The following CCDC30 variants were observed in gnomAD, a reference collection of about 807,000 sequenced individuals.
CCDC30 encodes coiled-coil domain containing 30.
CCDC30 carries 70 observed loss-of-function variants against 100.2 expected under a neutral mutation model. That is an observed-to-expected ratio of 0.70 (90% CI 0.58 to 0.85). The LOEUF (loss-of-function observed/expected upper bound fraction) is 0.85. Ranked by LOEUF, CCDC30 falls within the 40% of genes least tolerant of loss-of-function variation. CCDC30 has a pLI of 0.00. For synonymous variants in CCDC30, 233 were observed against 269.5 expected (o/e 0.86, Z 1.33); for missense variants, 652 against 771.2 (o/e 0.85, Z 1.83).
chr1:42,592,295 G>A (rs1345748127), intron 10 of CCDC30: 3 of 152,196 alleles, frequency 2.0e-5, no homozygotes, highest in African/African-American at 4.8e-5. Context: ...TGTAATCCCC[G>A]TTGTTGGAGG....
intron 15 of CCDC30, among the ~76,000 whole-genome samples, chr1:42,651,220 A>G (rs1648319419): frequency 6.6e-6 from 1 of 152,196 alleles, no homozygotes; most frequent in African/African-American, 2.4e-5. Context: ...AAACAAACAT[A>G]TACAAATGGG....
intron 7 of CCDC30, among the ~76,000 whole-genome samples, chr1:42,575,198 C>T (rs1486808657): frequency 2.6e-5 from 4 of 152,182 alleles, no homozygotes; most frequent in Admixed American, 1.3e-4. Context: ...TAAATTCTCT[C>T]TCACCACTTT....
chr1:42,628,634 C>A (rs999012490), intron 11 of CCDC30, among the ~76,000 whole-genome samples: 4 of 152,118 alleles, frequency 2.6e-5, no homozygotes, highest in African/African-American at 9.7e-5. Context: ...GTGACTAAGT[C>A]TCATGAGATC....
At chr1:42,616,658 G>A (rs189079218) in intron 11 of CCDC30, among the ~76,000 whole-genome samples, 2 of 152,184 alleles carry the variant, frequency 1.3e-5, no homozygotes, top group African/African-American at 4.8e-5. Context: ...CATAAATATT[G>A]TGTCACCTCA....
chr1:42,456,952 T>G, the CCDC30 span: 15 of 1,605,232 alleles, frequency 9.3e-6, no homozygotes, highest in Admixed American at 2.5e-4. Context: ...CGGGTTTTGC[T>G]GAGGCTCTGA....
rs1644988575 is a variant in CCDC30 at position 42,540,384 on chromosome 1, T to C, written c.457-25912T>C. Among the ~76,000 whole-genome samples, 3 of 152,094 alleles carry C rather than the reference T, an allele frequency of 2.0e-5. No individual in the cohort carries two copies. In the South Asian group the frequency reaches 6.2e-4, roughly 32 times the overall value. On this transcript the variant is annotated intron_variant, in intron 6 of 16. Transcript: ENST00000668663. Reference sequence around the variant, plus strand: ...AGCAAGGTAAGTTATCATCACGTTGTACAGTTAAAGGGCCAGGCCTTTTAA... The same window carrying C: ...AGCAAGGTAAGTTATCATCACGTTGCACAGTTAAAGGGCCAGGCCTTTTAA...
At chr1:42,531,736 G>C (rs1225691060) in intron 6 of CCDC30, among the ~76,000 whole-genome samples, 2 of 152,078 alleles carry the variant, frequency 1.3e-5, no homozygotes, top group African/African-American at 4.8e-5. Context: ...ACTTCAGCCT[G>C]AATGATAGTG....
chr1:42,477,538 G>C (rs1299435696), intron 1 of CCDC30, among the ~76,000 whole-genome samples: 1 of 152,134 alleles, frequency 6.6e-6, no homozygotes, highest in Non-Finnish European at 1.5e-5. Context: ...ATTAGCTCAT[G>C]ATGATTGATA....
chr1:42,633,883 G>A (rs895645253), intron 11 of CCDC30, among the ~76,000 whole-genome samples: 6 of 152,130 alleles, frequency 3.9e-5, no homozygotes, highest in Non-Finnish European at 8.8e-5. Context: ...GGCTGAGAAG[G>A]CCACAGGAAA....
intron 6 of CCDC30, among the ~76,000 whole-genome samples, chr1:42,519,365 T>A (rs1445663505): frequency 6.6e-6 from 1 of 152,196 alleles, no homozygotes; most frequent in Non-Finnish European, 1.5e-5. Context: ...GGATATTAGT[T>A]CTTTTTTAAA....
chr1:42,623,692 C>T (rs1646881948), intron 11 of CCDC30, among the ~76,000 whole-genome samples: 1 of 152,066 alleles, frequency 6.6e-6, no homozygotes, highest in South Asian at 2.1e-4. Flanking sequence ...GTTCTTTATG[C>T]TTAGGATGTC....
At chr1:42,575,680 A>G (rs1645822749) in intron 7 of CCDC30, among the ~76,000 whole-genome samples, 1 of 150,370 alleles carries the variant, frequency 6.7e-6, no homozygotes, top group Non-Finnish European at 1.5e-5. Flanking sequence ...ACAAAAAAAC[A>G]TAGTCTCTGC....
rs550882330 is a variant in CCDC30 at position 42,505,323 on chromosome 1, T to G, written c.456+6407T>G. On this transcript the variant is annotated intron_variant, in intron 6 of 16. Transcript: ENST00000668663. ...TATTTGCAGGATAATTGATCCAGAT[T>G]TTTACATTACCCATACATTTTTCTT... Among the ~76,000 whole-genome samples, 42 of 152,276 alleles carry G rather than the reference T, an allele frequency of 2.8e-4. No individual in the cohort carries two copies. The East Asian group carries it at 7.7e-3, about 28-fold the overall frequency.
chr1:42,476,443 C>A (rs1376011633), intron 1 of CCDC30, among the ~76,000 whole-genome samples: 2 of 152,150 alleles, frequency 1.3e-5, no homozygotes, highest in African/African-American at 2.4e-5. Flanking sequence ...ATTAGGCCAG[C>A]ACTTTGGGAG....
chr1:42,541,779 A>T (rs771974703), intron 6 of CCDC30, among the ~76,000 whole-genome samples: 13 of 152,244 alleles, frequency 8.5e-5, no homozygotes, highest in Non-Finnish European at 1.8e-4. Flanking sequence ...TTCAGAATAT[A>T]GAGTGCTTTA....
intron 14 of CCDC30, among the ~76,000 whole-genome samples, chr1:42,645,771 T>C (rs1349765158): frequency 1.3e-5 from 2 of 152,232 alleles, no homozygotes; most frequent in African/African-American, 4.8e-5. Flanking sequence ...TTCAATTGTC[T>C]AGTCATTCAT....
At chr1:42,529,366 G>C (rs113804158) in intron 6 of CCDC30, among the ~76,000 whole-genome samples, 2 of 152,152 alleles carry the variant, frequency 1.3e-5, no homozygotes, top group Non-Finnish European at 2.9e-5. Flanking sequence ...TAGCTACTTG[G>C]GGGGCTGAGG....
intron 10 of CCDC30, among the ~76,000 whole-genome samples, chr1:42,604,862 A>G (rs1646473022): frequency 6.6e-6 from 1 of 152,202 alleles, no homozygotes; most frequent in African/African-American, 2.4e-5. Context: ...TAGGGATTGA[A>G]CAAGAAGAGG....
intron 11 of CCDC30, among the ~76,000 whole-genome samples, chr1:42,624,531 G>A (rs1248835969): frequency 6.6e-6 from 1 of 152,188 alleles, no homozygotes. Flanking sequence ...CCAGACTGGA[G>A]TGCAGTGGTG....
Sources: allele counts gnomAD v4.1 joint callset (sites outside exome capture counted in the v4.1 genomes callset), GRCh38; gene constraint gnomAD v4.1.1; transcripts MANE v1.5; gene names NCBI Gene and HGNC (gene_info 2026-07-23, HGNC 2026-07-21).